The following KPNA3 variants were observed in gnomAD, a reference collection of about 807,000 sequenced individuals.
KPNA3 encodes karyopherin subunit alpha 3, also known as importin subunit alpha-4.
A neutral mutation model predicts 73.8 loss-of-function variants in KPNA3; 13 were observed. That is an observed-to-expected ratio of 0.18 (90% CI 0.11 to 0.28). The LOEUF (loss-of-function observed/expected upper bound fraction) is 0.28, where lower values mean the gene tolerates loss of function less well. Ranked by LOEUF, KPNA3 falls within the 10% of genes least tolerant of loss-of-function variation. The probability of loss-of-function intolerance (pLI) is 1.00; values close to 1 mark genes in which losing one functional copy is unlikely to be tolerated. For missense variants in KPNA3, 360 were observed against 618.1 expected (o/e 0.58, Z 4.43); for synonymous variants, 186 against 206.9 (o/e 0.90, Z 0.87).
intron 1 of KPNA3, among the ~76,000 whole-genome samples, chr13:49,756,722 T>C (rs564162488): frequency 1.3e-5 from 2 of 152,268 alleles, no homozygotes; most frequent in East Asian, 1.9e-4. Context: ...CTAAAATTTA[T>C]ACGGAAAGGC....
chr13:49,765,604 TG>T (rs1954802112), intron 1 of KPNA3, among the ~76,000 whole-genome samples: 1 of 152,198 alleles, frequency 6.6e-6, no homozygotes, highest in Non-Finnish European at 1.5e-5. Flanking sequence ...CCCAAAGTGC[TG>T]GGTTACAGGC....
At chr13:49,787,558 G>A (rs1157081368) in intron 1 of KPNA3, among the ~76,000 whole-genome samples, 4 of 152,178 alleles carry the variant, frequency 2.6e-5, no homozygotes, top group Admixed American at 2.6e-4. Flanking sequence ...CCAGACTTGA[G>A]TGCAGTGGCA....
At chr13:49,752,998 G>A (rs1330877507) in intron 1 of KPNA3, among the ~76,000 whole-genome samples, 4 of 120,668 alleles carry the variant, frequency 3.3e-5, no homozygotes, top group Admixed American at 1.1e-4. Flanking sequence ...TTGCACTCCA[G>A]CCTGGGTGAC....
intron 1 of KPNA3, among the ~76,000 whole-genome samples, chr13:49,771,917 A>G (rs187715635): frequency 1.3e-5 from 2 of 152,152 alleles, no homozygotes; most frequent in Non-Finnish European, 1.5e-5. Context: ...CAGCCTCCTA[A>G]ATTTTGGGAA....
In KPNA3 at chr13:49,746,964, T is replaced by C. The variant is rs536416195; in HGVS notation, c.99A>G (p.Thr33=). ...ETMRRHRNEV[T]VELRKNKRDE... ...TCAACCTTACCTTCCGCAGTTCCACTGTCACTTCATTTCTATGTCTTCGCA... is the reference window on the plus strand; with the variant it reads ...TCAACCTTACCTTCCGCAGTTCCACCGTCACTTCATTTCTATGTCTTCGCA... The change falls in exon 2 of 17, where the codon ACA becomes ACG. Residue 33 remains threonine, a synonymous_variant. Transcript: ENST00000261667. The C allele has an allele frequency of 1.7e-5, 28 of 1,610,262 alleles. No homozygotes were observed. The highest frequency in any genetic ancestry group is 2.2e-5 in the East Asian group (1 of 44,886).
At chr13:49,769,310 A>G (rs1208778014) in intron 1 of KPNA3, among the ~76,000 whole-genome samples, 1 of 152,188 alleles carries the variant, frequency 6.6e-6, no homozygotes, top group Non-Finnish European at 1.5e-5. Flanking sequence ...TGCCCACGCC[A>G]TAAAATTTAT....
chr13:49,750,131 T>G (rs1025593338), intron 1 of KPNA3, among the ~76,000 whole-genome samples: 2 of 152,180 alleles, frequency 1.3e-5, no homozygotes, highest in African/African-American at 2.4e-5. Flanking sequence ...GGCAATACAT[T>G]TGCCAACCGG....
At chr13:49,730,158 T>C (rs1382655044) in intron 6 of KPNA3, among the ~76,000 whole-genome samples, 3 of 152,070 alleles carry the variant, frequency 2.0e-5, no homozygotes, top group East Asian at 3.9e-4. Context: ...TTATGTTTCA[T>C]AGACACAGAC....
intron 6 of KPNA3, among the ~76,000 whole-genome samples, chr13:49,728,185 A>G (rs1253934515): frequency 6.6e-6 from 1 of 150,608 alleles, no homozygotes; most frequent in Non-Finnish European, 1.5e-5. Context: ...CAGTGAGCTG[A>G]TATCGTGCCA....
chr13:49,783,183 C>A (rs930992952), intron 1 of KPNA3, among the ~76,000 whole-genome samples: 7 of 151,916 alleles, frequency 4.6e-5, no homozygotes, highest in Non-Finnish European at 1.5e-5. Flanking sequence ...AAATTATATT[C>A]TATTTAAGGC....
rs114217814 is a variant in KPNA3, at chr13:49,775,579, T to A, written c.69+16859A>T. Among the ~76,000 whole-genome samples, 175 of 152,264 alleles carry A rather than the reference T, an allele frequency of 1.1e-3. 1 individual carries two copies. Among genetic ancestry groups the A allele is most frequent in the African/African-American group, 4.0e-3 (168 of 41,536 alleles). On this transcript the variant is annotated intron_variant, in intron 1 of 16. Coordinates refer to ENST00000261667, the MANE Select transcript of KPNA3 (RefSeq NM_002267.4). ...TAACTTATACATCTTCATCAAACCA[T>A]GAAACATTCAAGGCCCAGTTCATCC... is the stretch of plus-strand genomic sequence containing the variant.
At chr13:49,709,130 C>T (rs566851929) in intron 12 of KPNA3, among the ~76,000 whole-genome samples, 53 of 152,096 alleles carry the variant, frequency 3.5e-4, no homozygotes, top group Non-Finnish European at 7.7e-4. Context: ...AGGCTGGGCG[C>T]GGTGGCTCAC....
chr13:49,755,608 A>G lies in KPNA3; in HGVS notation c.70-8615T>C, dbSNP rs1954703925. Reference sequence around the variant, plus strand: ...TCAAGAGATCAAGACCATCTGGTCAACATAGTGAAACCCCATCTCAACTAA... The same window carrying G: ...TCAAGAGATCAAGACCATCTGGTCAGCATAGTGAAACCCCATCTCAACTAA... On this transcript the variant is annotated intron_variant, in intron 1 of 16. Transcript: ENST00000261667. Among the ~76,000 whole-genome samples the G allele has an allele frequency of 2.0e-5, 3 of 152,180 alleles. No individual in the cohort carries two copies. The South Asian group carries it at 6.2e-4, about 32-fold the overall frequency.
intron 1 of KPNA3, among the ~76,000 whole-genome samples, chr13:49,777,366 AT>A (rs1178323660): frequency 6.6e-6 from 1 of 152,222 alleles, no homozygotes; most frequent in African/African-American, 2.4e-5. Context: ...AAATCCAAGG[AT>A]GCATAAGTCC....
chr13:49,760,207 C>T (rs1415464982), intron 1 of KPNA3, among the ~76,000 whole-genome samples: 1 of 151,986 alleles, frequency 6.6e-6, no homozygotes, highest in Non-Finnish European at 1.5e-5. Context: ...CTCAGGAGTT[C>T]AAGACCAGCC....
At chr13:49,736,120 AGTTTAG>A (rs1380934468) in intron 2 of KPNA3, among the ~76,000 whole-genome samples, 1 of 152,106 alleles carries the variant, frequency 6.6e-6, no homozygotes, top group Non-Finnish European at 1.5e-5. Context: ...ATCTTCATCT[AGTTTAG>A]GTTTTAGTTC....
chr13:49,726,053 C>T (rs1029797334), intron 6 of KPNA3, among the ~76,000 whole-genome samples: 1 of 152,184 alleles, frequency 6.6e-6, no homozygotes, highest in Non-Finnish European at 1.5e-5. Context: ...CCCTTGACTT[C>T]GACTTCCTCT....
At chr13:49,777,632 C>T (rs1012779374) in intron 1 of KPNA3, among the ~76,000 whole-genome samples, 2 of 151,336 alleles carry the variant, frequency 1.3e-5, no homozygotes, top group African/African-American at 4.9e-5. Flanking sequence ...TCCCAAGGAG[C>T]TTGGACTACA....
intron 10 of KPNA3, among the ~76,000 whole-genome samples, chr13:49,714,746 T>G (rs1318943005): frequency 6.6e-6 from 1 of 152,090 alleles, no homozygotes. Flanking sequence ...ACATCATGAT[T>G]ATAGCACCAT....
Sources: allele counts gnomAD v4.1 joint callset (sites outside exome capture counted in the v4.1 genomes callset), GRCh38; gene constraint gnomAD v4.1.1; transcripts MANE v1.5; gene names NCBI Gene and HGNC (gene_info 2026-07-23, HGNC 2026-07-21).